PCDH9: variants seen among roughly 807,000 people sequenced by gnomAD.
PCDH9 encodes the protein protocadherin 9.
Under a neutral mutation model 70.6 loss-of-function variants are expected in PCDH9, and 24 were observed. The observed-to-expected ratio is 0.34, with a 90% CI of 0.25 to 0.48. PCDH9 has a LOEUF of 0.48. PCDH9 is among the 20% of genes least tolerant of loss of function. The pLI, the probability that PCDH9 is intolerant of heterozygous loss-of-function variation, is 0.99. For synonymous variants in PCDH9, 562 were observed against 558.5 expected, an observed-to-expected ratio of 1.01 and a Z score of -0.09; for missense variants, 1,281 against 1,503.6, an observed-to-expected ratio of 0.85 and a Z score of 2.45.
chr13:67,176,292 C>G (rs1594615608), intron 2 of PCDH9, among the ~76,000 whole-genome samples: 3 of 152,192 alleles, frequency 2.0e-5, no homozygotes, highest in Non-Finnish European at 4.4e-5. Context: ...TTATTACCAG[C>G]ATAAAGCAAA....
intron 2 of PCDH9, among the ~76,000 whole-genome samples, chr13:67,097,280 T>C (rs1266798467): frequency 2.0e-5 from 3 of 151,764 alleles, no homozygotes; most frequent in Admixed American, 2.0e-4. Context: ...AAATTCAAAA[T>C]CGAAATAATT....
At chr13:66,389,529 C>A (rs532762384) in intron 4 of PCDH9, among the ~76,000 whole-genome samples, 1 of 152,134 alleles carries the variant, frequency 6.6e-6, no homozygotes, top group African/African-American at 2.4e-5. Flanking sequence ...TTGTACATAA[C>A]TTTAATGGTA....
intron 2 of PCDH9, among the ~76,000 whole-genome samples, chr13:67,179,100 T>A (rs1423363679): frequency 6.6e-6 from 1 of 152,008 alleles, no homozygotes; most frequent in African/African-American, 2.4e-5. Flanking sequence ...ATTTGAAGAG[T>A]GTGGCTACAT....
At position 67,225,586 on chromosome 13, in the gene PCDH9, G is replaced by C; in HGVS notation, c.2855C>G (p.Pro952Arg). Residue 952 changes from proline to arginine, a missense_variant, in exon 2 of 5, where the codon CCA (proline) becomes CGA (arginine). This residue lies in a region of PCDH9 where 207 missense variants were observed against 191.8 expected (regional missense o/e 1.08). Transcript: ENST00000377865. ...CTTTTTCACGGAAACTGGAGTGTCT[G>C]GTTTGAGATGAAAAGCAGGCTGTGG... The part of the protein sequence containing the change: ...ASPQPAFHLK[P>R]DTPVSVKKHH... 1 of 1,614,132 alleles carries C rather than the reference G, an allele frequency of 6.2e-7. No individual in the cohort carries two copies. The highest frequency in any genetic ancestry group is 8.5e-7 in the Non-Finnish European group (1 of 1,180,010).
chr13:66,937,728 T>G (rs1016727541), intron 2 of PCDH9, among the ~76,000 whole-genome samples: 3 of 152,186 alleles, frequency 2.0e-5, no homozygotes, highest in African/African-American at 7.2e-5. Context: ...GACTGCTGAA[T>G]GTTCAAACTG....
intron 2 of PCDH9, among the ~76,000 whole-genome samples, chr13:67,009,122 C>T (rs1428779970): frequency 2.0e-5 from 3 of 152,098 alleles, no homozygotes; most frequent in Admixed American, 1.3e-4. Context: ...TAGCGTTCAT[C>T]TCAACCAACT....
At chr13:66,889,837 G>A (rs1179183444) in intron 3 of PCDH9, among the ~76,000 whole-genome samples, 1 of 152,132 alleles carries the variant, frequency 6.6e-6, no homozygotes, top group East Asian at 1.9e-4. Flanking sequence ...TTTTTTACCT[G>A]ACTATGTACA....
chr13:66,997,235 A>G (rs542020535), intron 2 of PCDH9, among the ~76,000 whole-genome samples: 58 of 152,312 alleles, frequency 3.8e-4, no homozygotes, highest in Admixed American at 8.5e-4. Context: ...TACAGGCTGG[A>G]CAGGAAGCAT....
chr13:66,321,829 C>T (rs1196064150), intron 4 of PCDH9, among the ~76,000 whole-genome samples: 2 of 151,890 alleles, frequency 1.3e-5, no homozygotes, highest in Non-Finnish European at 2.9e-5. Flanking sequence ...TTCTTTGGAT[C>T]TCACTGTGGA....
chr13:67,217,782 A>G (rs1318138807), intron 2 of PCDH9: 1 of 152,110 alleles, frequency 6.6e-6, no homozygotes, highest in Non-Finnish European at 1.5e-5. Flanking sequence ...GGTTCAGAAG[A>G]GAGTCTGCAT....
chr13:66,447,132 C>T (rs559857203), intron 4 of PCDH9, among the ~76,000 whole-genome samples: 11 of 152,002 alleles, frequency 7.2e-5, no homozygotes, highest in Middle Eastern at 3.4e-3. Context: ...TATTTACGGT[C>T]GGAAATATTT....
chr13:67,208,268 T>G (rs2089397575), intron 2 of PCDH9: 1 of 152,172 alleles, frequency 6.6e-6, no homozygotes, highest in Admixed American at 6.6e-5. Flanking sequence ...CAAACTATTT[T>G]TTTGTTTTAC....
intron 2 of PCDH9, among the ~76,000 whole-genome samples, chr13:67,146,666 C>CT (rs1156496326): frequency 6.6e-6 from 1 of 152,142 alleles, no homozygotes; most frequent in East Asian, 1.9e-4. Flanking sequence ...ATCTTTGAGA[C>CT]TGTTCACATT....
intron 3 of PCDH9, among the ~76,000 whole-genome samples, chr13:66,885,107 T>A (rs750687636): frequency 6.6e-6 from 1 of 152,146 alleles, no homozygotes; most frequent in African/African-American, 2.4e-5. Context: ...ACTCCCATGA[T>A]ATTTTTTTTC....
chr13:66,352,177 A>G (rs1018402716), intron 4 of PCDH9, among the ~76,000 whole-genome samples: 8 of 152,162 alleles, frequency 5.3e-5, no homozygotes, highest in Admixed American at 2.6e-4. Context: ...CCTCAAAACT[A>G]TCATCAGTGT....
At chr13:66,700,887 G>T (rs1242345302) in intron 3 of PCDH9, among the ~76,000 whole-genome samples, 4 of 124,972 alleles carry the variant, frequency 3.2e-5, no homozygotes, top group Non-Finnish European at 5.0e-5. Flanking sequence ...GAATGTCTAT[G>T]TTATATATAT....
intron 3 of PCDH9, among the ~76,000 whole-genome samples, chr13:66,798,502 A>T (rs2080279386): frequency 6.6e-6 from 1 of 152,144 alleles, no homozygotes; most frequent in Admixed American, 6.6e-5. Flanking sequence ...AGAAAGAGAA[A>T]AAGTGGCTCC....
chr13:67,143,534 C>G (rs188067879), intron 2 of PCDH9, among the ~76,000 whole-genome samples: 3 of 152,126 alleles, frequency 2.0e-5, no homozygotes, highest in African/African-American at 7.2e-5. Context: ...TAGTAATATT[C>G]ACCCATTTCA....
chr13:66,477,248 C>G (rs1016183888), intron 4 of PCDH9, among the ~76,000 whole-genome samples: 1 of 152,062 alleles, frequency 6.6e-6, no homozygotes, highest in Non-Finnish European at 1.5e-5. Context: ...TATTTATAAG[C>G]TATATGGCTT....
Sources: allele counts gnomAD v4.1 joint callset (sites outside exome capture counted in the v4.1 genomes callset), GRCh38; gene constraint gnomAD v4.1.1; regional missense constraint gnomAD v4.1.1; transcripts MANE v1.5; gene names NCBI Gene and HGNC (gene_info 2026-07-23, HGNC 2026-07-21).